RTL4: variants seen among roughly 807,000 people sequenced by gnomAD.
RTL4 encodes retrotransposon Gag-like protein 4.
In RTL4, 4 loss-of-function variants were observed where a neutral mutation model predicts 5.3. The ratio of observed to expected loss-of-function variants is 0.75; its 90% CI spans 0.37 to 1.72. RTL4 has a LOEUF of 1.72. RTL4 is among the 40% of genes most tolerant of loss of function. RTL4 has a pLI of 0.04. For synonymous variants in RTL4, 98 were observed against 87.3 expected (o/e 1.12, Z -0.68); for missense variants, 260 against 227.1 (o/e 1.14, Z -0.93).
the RTL4 span, among the ~76,000 whole-genome samples, chrX:112,128,883 T>G: frequency 9.0e-6 from 1 of 111,210 alleles, no homozygotes; most frequent in Non-Finnish European, 1.9e-5. Context: ...CAAAGGACAT[T>G]ATCAACAAAT....
At chrX:112,402,400 T>TGTGTG in the RTL4 span, among the ~76,000 whole-genome samples, 1 of 87,418 alleles carries the variant, frequency 1.1e-5, no homozygotes, top group African/African-American at 4.3e-5. Context: ...GGAATTATTA[T>TGTGTG]TGTGTGTGTG....
the RTL4 span, among the ~76,000 whole-genome samples, chrX:112,394,896 A>G: frequency 8.9e-6 from 1 of 112,232 alleles, no homozygotes; most frequent in Non-Finnish European, 1.9e-5. Context: ...TAAAATTTCC[A>G]CTATTGCTAC....
At chrX:112,380,139 C>A in the RTL4 span, among the ~76,000 whole-genome samples, 2 of 98,638 alleles carry the variant, frequency 2.0e-5, no homozygotes, top group Non-Finnish European at 3.9e-5. Context: ...TTCATTCAAG[C>A]ATGAAGATCA....
the RTL4 span, among the ~76,000 whole-genome samples, chrX:112,415,823 T>A: frequency 1.8e-5 from 2 of 111,715 alleles, no homozygotes; most frequent in Non-Finnish European, 3.8e-5. Context: ...AGGCCACGGT[T>A]AGAAAATGAC....
chrX:112,433,168 T>G, the RTL4 span, among the ~76,000 whole-genome samples: 1 of 111,729 alleles, frequency 9.0e-6, no homozygotes, highest in Admixed American at 9.5e-5. Flanking sequence ...GGTAGTGTGA[T>G]GCCTCCAGCT....
chrX:112,229,385 A>T, the RTL4 span, among the ~76,000 whole-genome samples: 1 of 112,358 alleles, frequency 8.9e-6, no homozygotes, highest in South Asian at 3.7e-4. Flanking sequence ...CAGATGAGGA[A>T]ATCGATGCAC....
chrX:112,090,136 T>C, the RTL4 span, among the ~76,000 whole-genome samples: 1 of 110,529 alleles, frequency 9.0e-6, no homozygotes, highest in Admixed American at 9.7e-5. Context: ...TATGGATTCT[T>C]TAGGATTTCT....
chrX:112,423,444 T>G, the RTL4 span, among the ~76,000 whole-genome samples: 1 of 108,918 alleles, frequency 9.2e-6, no homozygotes, highest in East Asian at 2.9e-4. Flanking sequence ...AATACTCCAG[T>G]TTTATGGAAG....
the RTL4 span, among the ~76,000 whole-genome samples, chrX:112,136,028 T>C: frequency 2.7e-5 from 3 of 109,945 alleles, no homozygotes; most frequent in Non-Finnish European, 3.8e-5. Flanking sequence ...ATAGTCCTCA[T>C]TGTACAAGTA....
At chrX:112,175,165 C>G in the RTL4 span, among the ~76,000 whole-genome samples, 1 of 107,219 alleles carries the variant, frequency 9.3e-6, no homozygotes, top group African/African-American at 3.4e-5. Context: ...ATGCCTATGT[C>G]CTGAATGGCA....
chrX:112,385,197 A>G, the RTL4 span, among the ~76,000 whole-genome samples: 1 of 111,195 alleles, frequency 9.0e-6, no homozygotes, highest in African/African-American at 3.3e-5. Context: ...AAATATTTTA[A>G]ATTTTGATGA....
At chrX:112,209,572 G>A in the RTL4 span, among the ~76,000 whole-genome samples, 2 of 111,640 alleles carry the variant, frequency 1.8e-5, no homozygotes, top group Admixed American at 9.5e-5. Context: ...TGAGGCCATC[G>A]TTGCAGGCTG....
the RTL4 span, among the ~76,000 whole-genome samples, chrX:112,215,662 G>A: frequency 1.4e-4 from 16 of 111,966 alleles, no homozygotes; most frequent in African/African-American, 5.2e-4. Context: ...TCCATTGTAT[G>A]TCTATACCAT....
At chrX:112,185,376 A>ATATATATATATATATATATAT in the RTL4 span, among the ~76,000 whole-genome samples, 8 of 85,300 alleles carry the variant, frequency 9.4e-5, no homozygotes, top group Non-Finnish European at 1.1e-4. Flanking sequence ...CTATTTTATT[A>ATATATATATATATATATATAT]ATATATATAT....
At chrX:112,397,128 A>T in the RTL4 span, among the ~76,000 whole-genome samples, 24 of 111,907 alleles carry the variant, frequency 2.1e-4, no homozygotes, top group African/African-American at 7.8e-4. Context: ...TGGAGCGTCT[A>T]CATACAGTCA....
chrX:112,236,272 C>A, the RTL4 span, among the ~76,000 whole-genome samples: 1 of 106,461 alleles, frequency 9.4e-6, no homozygotes, highest in African/African-American at 3.4e-5. Context: ...ACTTTATGAG[C>A]CCCAGTTTCC....
At chrX:112,368,166 C>T in the RTL4 span, among the ~76,000 whole-genome samples, 4 of 111,468 alleles carry the variant, frequency 3.6e-5, no homozygotes, top group Non-Finnish European at 7.5e-5. Context: ...AGACTAGAGA[C>T]AGGTAGTATG....
chrX:112,225,864 C>G, the RTL4 span, among the ~76,000 whole-genome samples: 13 of 112,048 alleles, frequency 1.2e-4, no homozygotes, highest in East Asian at 1.4e-3. Flanking sequence ...GGCCCCTACC[C>G]TGGAGTGTTT....
At chrX:112,456,387 C>T in exon 1 of RTL4, 1 of 308,707 alleles carries the variant, frequency 3.2e-6, no homozygotes. Flanking sequence ...TTTTTCTTTG[C>T]AGGCTAGCCC....
Sources: gnomAD v4.1 joint callset for allele counts (sites outside exome capture counted in the v4.1 genomes callset) on GRCh38, gnomAD v4.1.1 for gene constraint, MANE v1.5 for transcripts, NCBI Gene and HGNC (gene_info 2026-07-23, HGNC 2026-07-21) for gene names.